The following ACCSL variants were observed in gnomAD, a reference collection of about 807,000 sequenced individuals.
ACCSL encodes probable inactive 1-aminocyclopropane-1-carboxylate synthase-like protein 2.
ACCSL carries 55 observed loss-of-function variants against 61.7 expected under a neutral mutation model. The ratio of observed to expected loss-of-function variants is 0.89; its 90% CI spans 0.72 to 1.12. The LOEUF (loss-of-function observed/expected upper bound fraction) is 1.12. ACCSL is among the 50% of genes most tolerant of loss of function. ACCSL has a pLI of 0.00. For synonymous variants in ACCSL, 258 were observed against 264.3 expected, an observed-to-expected ratio of 0.98 and a Z score of 0.23; for missense variants, 632 against 698.0, an observed-to-expected ratio of 0.91 and a Z score of 1.07.
the ACCSL span, among the ~76,000 whole-genome samples, chr11:43,996,817 T>G: frequency 7.0e-6 from 1 of 142,322 alleles, no homozygotes; most frequent in African/African-American, 2.6e-5. Context: ...TTTTTCCTTT[T>G]TTTTTTTTTT....
chr11:43,970,564 T>A, the ACCSL span, among the ~76,000 whole-genome samples: 3 of 152,222 alleles, frequency 2.0e-5, no homozygotes, highest in African/African-American at 7.2e-5. Flanking sequence ...CTTTTACTTT[T>A]AGCAACCAAC....
chr11:43,933,435 T>C, the ACCSL span: 1 of 252,188 alleles, frequency 4.0e-6, no homozygotes, highest in Non-Finnish European at 8.2e-6. Context: ...CTTGGTCTTG[T>C]TCCCTCCCCT....
chr11:43,952,678 G>T, the ACCSL span, among the ~76,000 whole-genome samples: 1 of 152,162 alleles, frequency 6.6e-6, no homozygotes, highest in East Asian at 1.9e-4. Flanking sequence ...CCTTAAAAGG[G>T]ACAGGAATTA....
chr11:43,972,957 G>A, the ACCSL span, among the ~76,000 whole-genome samples: 4 of 152,228 alleles, frequency 2.6e-5, no homozygotes, highest in African/African-American at 9.6e-5. Flanking sequence ...AGCTTGGGCA[G>A]GACAGTGAGA....
the ACCSL span, among the ~76,000 whole-genome samples, chr11:43,972,397 A>C: frequency 6.6e-6 from 1 of 151,810 alleles, no homozygotes; most frequent in Non-Finnish European, 1.5e-5. Flanking sequence ...AAGGGGACTC[A>C]GAGCGTAAAT....
the ACCSL span, among the ~76,000 whole-genome samples, chr11:43,927,476 G>A: frequency 6.6e-6 from 1 of 152,198 alleles, no homozygotes; most frequent in Non-Finnish European, 1.5e-5. Context: ...CATATAATCA[G>A]TGCCTGATTT....
At chr11:44,034,970 G>A in the ACCSL span, among the ~76,000 whole-genome samples, 1 of 152,270 alleles carries the variant, frequency 6.6e-6, no homozygotes, top group South Asian at 2.1e-4. Context: ...CCAGGTTTAT[G>A]AAATCTTGCA....
the ACCSL span, among the ~76,000 whole-genome samples, chr11:43,991,614 C>T: frequency 2.0e-5 from 3 of 152,160 alleles, no homozygotes; most frequent in East Asian, 1.9e-4. Context: ...GCCAACATGG[C>T]GAAACCCCAT....
At chr11:44,032,501 T>C in the ACCSL span, among the ~76,000 whole-genome samples, 3 of 152,182 alleles carry the variant, frequency 2.0e-5, no homozygotes, top group Non-Finnish European at 1.5e-5. Context: ...TGAAATAACA[T>C]TGCCAAGTGC....
chr11:43,997,436 AGG>A, the ACCSL span, among the ~76,000 whole-genome samples: 1 of 152,174 alleles, frequency 6.6e-6, no homozygotes, highest in Non-Finnish European at 1.5e-5. Context: ...GTGTTGGCTG[AGG>A]ATTCAGCTTT....
the ACCSL span, among the ~76,000 whole-genome samples, chr11:44,007,912 G>A: frequency 2.6e-5 from 4 of 152,020 alleles, no homozygotes; most frequent in African/African-American, 4.8e-5. Context: ...GACCCGTCTC[G>A]ACTCCTAAAA....
At chr11:43,943,074 C>G in the ACCSL span, 1 of 1,503,436 alleles carries the variant, frequency 6.7e-7, no homozygotes, top group African/African-American at 1.4e-5. The surrounding 1 kb of genome is among the most constrained non-coding windows in gnomAD (Gnocchi z 4.8). Context: ...AAGACGCAGC[C>G]GGTGACCTTC....
the ACCSL span, among the ~76,000 whole-genome samples, chr11:44,013,586 C>A: frequency 5.3e-5 from 8 of 152,220 alleles, no homozygotes; most frequent in Admixed American, 5.2e-4. Flanking sequence ...AGCCACCACG[C>A]CTGGCCAAGC....
chr11:43,954,211 A>T, the ACCSL span, among the ~76,000 whole-genome samples: 29 of 152,186 alleles, frequency 1.9e-4, no homozygotes, highest in South Asian at 4.1e-4. Context: ...TATGGGATGA[A>T]GTATCATACC....
the ACCSL span, among the ~76,000 whole-genome samples, chr11:44,033,124 G>T: frequency 6.6e-6 from 1 of 152,236 alleles, no homozygotes; most frequent in Non-Finnish European, 1.5e-5. Flanking sequence ...TTGGTGGATG[G>T]CAGGATGGAA....
At chr11:43,974,795 A>G in the ACCSL span, among the ~76,000 whole-genome samples, 1 of 152,230 alleles carries the variant, frequency 6.6e-6, no homozygotes, top group East Asian at 1.9e-4. Context: ...CCTTGGAAGC[A>G]GATCCTCCCA....
the ACCSL span, among the ~76,000 whole-genome samples, chr11:44,030,922 G>A: frequency 6.6e-6 from 1 of 152,248 alleles, no homozygotes. Context: ...GAGGGTCCTA[G>A]TTTTATACAC....
the ACCSL span, among the ~76,000 whole-genome samples, chr11:43,927,102 A>C: frequency 6.6e-6 from 1 of 152,256 alleles, no homozygotes; most frequent in Non-Finnish European, 1.5e-5. Context: ...TGTGCTTTTT[A>C]AAAGAAAAAA....
the ACCSL span, among the ~76,000 whole-genome samples, chr11:43,921,855 A>C: frequency 1.3e-5 from 2 of 152,332 alleles, no homozygotes; most frequent in East Asian, 3.9e-4. Flanking sequence ...ACCACATGCC[A>C]GAACTGCCCT....
Sources: allele counts gnomAD v4.1 joint callset (sites outside exome capture counted in the v4.1 genomes callset), GRCh38; gene constraint gnomAD v4.1.1; non-coding constraint Gnocchi (gnomAD v3.1); transcripts MANE v1.5; gene names NCBI Gene and HGNC (gene_info 2026-07-23, HGNC 2026-07-21).